The following DCHS2 variants were observed in gnomAD, a reference collection of about 807,000 sequenced individuals.
DCHS2 encodes dachsous cadherin-related 2, also known as protocadherin-23.
In DCHS2, 142 loss-of-function variants were observed where a neutral mutation model predicts 182.4. That is an observed-to-expected ratio of 0.78 (90% CI 0.68 to 0.89). The LOEUF (loss-of-function observed/expected upper bound fraction) is 0.89. DCHS2 is among the 40% of genes least tolerant of loss of function. The probability of loss-of-function intolerance (pLI) is 0.00; values close to 1 mark genes in which losing one functional copy is unlikely to be tolerated. For missense variants in DCHS2, 4,319 were observed against 4,198.6 expected, an observed-to-expected ratio of 1.03 and a Z score of -0.79; for synonymous variants, 1,740 against 1,663.3, an observed-to-expected ratio of 1.05 and a Z score of -1.12.
chr4:154,409,450 G>A (rs887432494), intron 1 of DCHS2, among the ~76,000 whole-genome samples: 2 of 152,162 alleles, frequency 1.3e-5, no homozygotes, highest in African/African-American at 4.8e-5. Flanking sequence ...CAAACCTCCA[G>A]AGAATCTCTT....
chr4:154,309,999 T>C (rs1049864418), intron 10 of DCHS2, among the ~76,000 whole-genome samples: 1 of 152,246 alleles, frequency 6.6e-6, no homozygotes, highest in African/African-American at 2.4e-5. Flanking sequence ...AGCTCCTATA[T>C]AGAAGGCCTA....
intron 14 of DCHS2, among the ~76,000 whole-genome samples, chr4:154,263,314 A>G (rs892749576): frequency 9.9e-5 from 15 of 152,036 alleles, no homozygotes; most frequent in African/African-American, 3.6e-4. Context: ...ATGTTAAACT[A>G]TATACTTGAC....
chr4:154,321,685 T>C (rs1303324428), intron 8 of DCHS2, among the ~76,000 whole-genome samples: 1 of 152,230 alleles, frequency 6.6e-6, no homozygotes, highest in African/African-American at 2.4e-5. Flanking sequence ...TTAACCCACA[T>C]ACCCTTAAGC....
In DCHS2 at chr4:154,491,752, G is replaced by A; in HGVS notation, c.-397C>T. 3.0e-6 allele frequency: 3 copies of A among 1,010,224 alleles called. No homozygotes were observed. Among genetic ancestry groups the A allele is most frequent in the Non-Finnish European group, 2.4e-6 (2 of 847,256 alleles). The allele number at this position is 1,010,224 out of a possible 1,614,324, so 62.6% of individuals were successfully genotyped here. ...AAAAGGAGGAGATTATATGAAGCGC[G>A]CACACACAAGGAGAGGATGGGGATC... On this transcript the variant is annotated 5_prime_UTR_variant, in exon 1 of 20. Transcript: ENST00000357232.
At chr4:154,480,081 C>T (rs749943606) in intron 1 of DCHS2, among the ~76,000 whole-genome samples, 23 of 152,174 alleles carry the variant, frequency 1.5e-4, no homozygotes, top group Non-Finnish European at 3.1e-4. Flanking sequence ...CTCTTTACCT[C>T]ATAACTTGGT....
rs767606524 is a variant in DCHS2, at chr4:154,384,484, G to T, written c.2053-7040C>A. 5.1e-6 allele frequency: 8 copies of T among 1,573,812 alleles called. No homozygotes were observed. In the African/African-American group the frequency reaches 1.1e-4, roughly 21 times the overall value. On this transcript the variant is annotated intron_variant, in intron 1 of 19. Coordinates refer to ENST00000357232, the MANE Select transcript of DCHS2 (RefSeq NM_001358235.2). ...CCACACTGACTGCTTGTAGGGGACT[G>T]AATGCTGGCCTCCAAAAAACCTCTG...
intron 3 of DCHS2, among the ~76,000 whole-genome samples, chr4:154,341,368 C>CA (rs369958308): frequency 0.11 from 6,236 of 58,038 alleles, 280 homozygotes; most frequent in South Asian, 0.31. Context: ...GACTCTGTCT[C>CA]AAAAAAAAAA....
intron 18 of DCHS2, among the ~76,000 whole-genome samples, chr4:154,240,176 CA>C (rs1472228557): frequency 6.6e-6 from 1 of 151,558 alleles, no homozygotes; most frequent in Non-Finnish European, 1.5e-5. Flanking sequence ...CAATGCATTC[CA>C]AAAATATGCC....
At chr4:154,436,433 A>G (rs1560757284) in intron 1 of DCHS2, among the ~76,000 whole-genome samples, 2 of 152,188 alleles carry the variant, frequency 1.3e-5, no homozygotes, top group South Asian at 2.1e-4. Context: ...GACTGCATGA[A>G]AAGCTATTAT....
chr4:154,286,965 A>G (rs1328239276), intron 13 of DCHS2, among the ~76,000 whole-genome samples: 1 of 152,176 alleles, frequency 6.6e-6, no homozygotes, highest in African/African-American at 2.4e-5. Flanking sequence ...GCAGCCCAAG[A>G]AAAGAAACAA....
chr4:154,256,494 A>G (rs566543959), intron 15 of DCHS2, among the ~76,000 whole-genome samples: 4 of 152,226 alleles, frequency 2.6e-5, no homozygotes, highest in African/African-American at 7.2e-5. Flanking sequence ...ATTTAGTGCT[A>G]AGAAGTGTAG....
chr4:154,327,746 T>C (rs1736340043), intron 7 of DCHS2, among the ~76,000 whole-genome samples: 1 of 152,164 alleles, frequency 6.6e-6, no homozygotes, highest in Admixed American at 6.5e-5. Context: ...CTTGGAACTC[T>C]TAGTCATACT....
chr4:154,233,795 G>A lies in DCHS2; in HGVS notation c.*741C>T, dbSNP rs1731305852. The A allele has an allele frequency of 6.6e-6, 1 of 152,122 alleles. No individual in the cohort carries two copies. Among genetic ancestry groups the A allele is most frequent in the Non-Finnish European group, 1.5e-5 (1 of 68,010 alleles). 9.4% of individuals were successfully genotyped at this position (152,122 alleles called of 1,614,324 possible). The stretch of plus-strand genomic sequence containing the variant: ...GTAGCAAACCACATAAATATTGCGA[G>A]TATCAATCCTGGCCCTCTATCAGGA... On this transcript the variant is annotated 3_prime_UTR_variant, in exon 20 of 20. Coordinates refer to ENST00000357232, the MANE Select transcript of DCHS2 (RefSeq NM_001358235.2).
At chr4:154,295,243 T>A (rs926994153) in intron 13 of DCHS2, among the ~76,000 whole-genome samples, 2 of 152,186 alleles carry the variant, frequency 1.3e-5, no homozygotes, top group African/African-American at 4.8e-5. Context: ...GAATAAGACG[T>A]TTCTCTATCT....
chr4:154,343,638 T>C, intron 3 of DCHS2: 1 of 1,481,858 alleles, frequency 6.7e-7, no homozygotes, highest in Non-Finnish European at 9.0e-7. Context: ...CTCATCTCTT[T>C]CAACCTTCCT....
At chr4:154,402,905 T>C (rs1732249259) in intron 1 of DCHS2, among the ~76,000 whole-genome samples, 1 of 152,212 alleles carries the variant, frequency 6.6e-6, no homozygotes, top group Non-Finnish European at 1.5e-5. Flanking sequence ...GTGCATTTTA[T>C]TAAATTTATT....
At chr4:154,398,676 C>G (rs1320609848) in intron 1 of DCHS2, among the ~76,000 whole-genome samples, 1 of 152,168 alleles carries the variant, frequency 6.6e-6, no homozygotes, top group Non-Finnish European at 1.5e-5. Flanking sequence ...TAATATCACT[C>G]TTAGTCATTT....
chr4:154,298,305 A>G lies in DCHS2; in HGVS notation c.6009T>C (p.His2003=), dbSNP rs546330314. Residue 2003 remains histidine, a synonymous_variant, in exon 13 of 20, where the codon CAT becomes CAC. Transcript: ENST00000357232. ...AGTCTCTGGCCACAGCACTAAATGT[A>G]TGCTGAGATCTGGCTTCACGGTCGA... ...NTLDREARSQ[H]TFSAVARDCS... is the part of the protein sequence containing the mutation. 5.3e-5 allele frequency: 85 copies of G among 1,614,206 alleles called. 2 individuals carry two copies. In the South Asian group the frequency reaches 8.1e-4, roughly 15 times the overall value.
At chr4:154,479,797 T>C (rs61270934) in intron 1 of DCHS2, among the ~76,000 whole-genome samples, 25,323 of 152,184 alleles carry the variant, frequency 0.17, 2,576 homozygotes, top group Admixed American at 0.28. Context: ...AATTTATAAA[T>C]TGGCCTCCCT....
Sources: gnomAD v4.1 joint callset for allele counts (sites outside exome capture counted in the v4.1 genomes callset) on GRCh38, gnomAD v4.1.1 for gene constraint, MANE v1.5 for transcripts, NCBI Gene and HGNC (gene_info 2026-07-23, HGNC 2026-07-21) for gene names.